The following PRKN variants were observed in gnomAD, a reference collection of about 807,000 sequenced individuals.
PRKN encodes the protein E3 ubiquitin-protein ligase parkin.
A neutral mutation model predicts 59.5 loss-of-function variants in PRKN; 56 were observed. The observed-to-expected ratio is 0.94, with a 90% CI of 0.76 to 1.18. PRKN has a LOEUF of 1.18. Ranked by LOEUF, PRKN falls within the 50% of genes most tolerant of loss-of-function variation. The pLI is 0.00. For synonymous variants in PRKN, 250 were observed against 222.1 expected (o/e 1.13, Z -1.12); for missense variants, 657 against 596.4 (o/e 1.10, Z -1.06).
chr6:162,066,925 T>G (rs1384964732), intron 4 of PRKN, among the ~76,000 whole-genome samples: 1 of 152,210 alleles, frequency 6.6e-6, no homozygotes, highest in Non-Finnish European at 1.5e-5. Flanking sequence ...ATTTCTGATT[T>G]ATAGCTGAGC....
intron 6 of PRKN, among the ~76,000 whole-genome samples, chr6:161,830,356 A>T (rs909752004): frequency 9.3e-5 from 14 of 151,022 alleles, no homozygotes; most frequent in African/African-American, 3.2e-4. Context: ...GGTTCACGCC[A>T]TTCTCCTGCC....
intron 7 of PRKN, among the ~76,000 whole-genome samples, chr6:161,663,835 G>C (rs114828341): frequency 4.6e-4 from 70 of 152,298 alleles, no homozygotes; most frequent in African/African-American, 1.6e-3. Context: ...TGTGGTGAGA[G>C]GGTGGCTGGT....
At chr6:162,429,945 C>T (rs1789428645) in intron 2 of PRKN, among the ~76,000 whole-genome samples, 2 of 152,170 alleles carry the variant, frequency 1.3e-5, no homozygotes, top group African/African-American at 2.4e-5. Flanking sequence ...TGTTTAGTCA[C>T]AGCAAATAAT....
intron 1 of PRKN, among the ~76,000 whole-genome samples, chr6:162,623,878 G>C (rs1264629257): frequency 6.6e-6 from 1 of 152,134 alleles, no homozygotes; most frequent in African/African-American, 2.4e-5. Context: ...GAAGGCTGAA[G>C]GTGGGGGCAG....
chr6:161,805,396 G>T (rs1331139752), intron 6 of PRKN, among the ~76,000 whole-genome samples: 1 of 151,958 alleles, frequency 6.6e-6, no homozygotes, highest in Non-Finnish European at 1.5e-5. Context: ...ATCTGAGGAT[G>T]CCATCGAGGT....
At chr6:161,679,900 G>A (rs1393055912) in intron 7 of PRKN, among the ~76,000 whole-genome samples, 4 of 151,630 alleles carry the variant, frequency 2.6e-5, no homozygotes, top group Non-Finnish European at 5.9e-5. Context: ...GACTACAGGC[G>A]CCTGCCACCA....
chr6:162,053,870 C>A (rs544095101), intron 5 of PRKN, among the ~76,000 whole-genome samples: 3 of 152,234 alleles, frequency 2.0e-5, no homozygotes, highest in South Asian at 2.1e-4. Flanking sequence ...CACACGGTCC[C>A]CCCAAATGAT....
At chr6:162,399,406 G>A (rs1787645858) in intron 2 of PRKN, among the ~76,000 whole-genome samples, 1 of 152,124 alleles carries the variant, frequency 6.6e-6, no homozygotes, top group African/African-American at 2.4e-5. Context: ...GTATCCATGA[G>A]GCAGAGAGTA....
At chr6:161,959,097 C>T (rs533099574) in intron 6 of PRKN, among the ~76,000 whole-genome samples, 1 of 152,298 alleles carries the variant, frequency 6.6e-6, no homozygotes, top group East Asian at 1.9e-4. Flanking sequence ...TGTACACTTT[C>T]TCTTCTAATA....
Position 161,363,933 on chromosome 6 carries a change from G to A in PRKN, c.1168-3728C>T, listed in dbSNP as rs1785082290. Among the ~76,000 whole-genome samples the A allele has an allele frequency of 1.3e-5, 2 of 152,282 alleles. No individual in the cohort carries two copies. The highest frequency in any genetic ancestry group is 3.9e-4 in the East Asian group (2 of 5,170). ...CAAGCACTTTGGGAGGCCAAGGCAG[G>A]CGGATCATGAGGTCAGGAGATTGAG... On this transcript the variant is annotated intron_variant, in intron 10 of 11. Coordinates refer to ENST00000366898, the MANE Select transcript of PRKN (RefSeq NM_004562.3). The surrounding 1 kb of genome is among the most constrained non-coding windows in gnomAD (Gnocchi z 4.1).
chr6:162,593,498 G>A (rs1781384649), intron 1 of PRKN, among the ~76,000 whole-genome samples: 1 of 152,142 alleles, frequency 6.6e-6, no homozygotes, highest in African/African-American at 2.4e-5. Context: ...TCATCTCTCT[G>A]GACTTTACAC....
chr6:162,380,467 A>ATG (rs1554309906), intron 2 of PRKN, among the ~76,000 whole-genome samples: 8 of 54,918 alleles, frequency 1.5e-4, no homozygotes, highest in South Asian at 5.5e-4. Context: ...ACACATATAT[A>ATG]TGTGTGTATA....
intron 10 of PRKN, among the ~76,000 whole-genome samples, chr6:161,375,213 G>A (rs1011359192): frequency 5.3e-5 from 8 of 152,168 alleles, no homozygotes. Flanking sequence ...GAGGGAGGAC[G>A]CCCCTGGCCG....
chr6:162,536,264 T>C (rs1778713460), intron 1 of PRKN, among the ~76,000 whole-genome samples: 1 of 152,100 alleles, frequency 6.6e-6, no homozygotes, highest in African/African-American at 2.4e-5. Flanking sequence ...ATGTTGAAAA[T>C]CTGTGTTTCT....
rs1420178234 is a variant in PRKN at position 161,393,367 on chromosome 6, A to G, written c.1084-6490T>C. Among the ~76,000 whole-genome samples, 1 of 152,080 alleles carries G rather than the reference A, an allele frequency of 6.6e-6. No homozygotes were observed. The highest frequency in any genetic ancestry group is 1.5e-5 in the Non-Finnish European group (1 of 68,026). On this transcript the variant is annotated intron_variant, in intron 9 of 11. Coordinates refer to ENST00000366898, the MANE Select transcript of PRKN (RefSeq NM_004562.3). This position sits in a 1 kb window ranked among gnomAD's most constrained non-coding sequence, Gnocchi z 4.7. ...CCCAGAAATGCCACACTTGTAAACT[A>G]CTCATAAGACATAAGACTGCTGTCT...
At chr6:162,139,754 C>T (rs1458875633) in intron 4 of PRKN, among the ~76,000 whole-genome samples, 1 of 152,088 alleles carries the variant, frequency 6.6e-6, no homozygotes, top group African/African-American at 2.4e-5. Flanking sequence ...CGCACCTATA[C>T]ATAGGAATAA....
chr6:162,216,717 A>G (rs1777687800), intron 3 of PRKN, among the ~76,000 whole-genome samples: 2 of 152,122 alleles, frequency 1.3e-5, no homozygotes, highest in South Asian at 2.1e-4. Flanking sequence ...ACGGCCACAC[A>G]GCCAGGACAC....
intron 1 of PRKN, among the ~76,000 whole-genome samples, chr6:162,603,151 T>C (rs1299622567): frequency 1.3e-5 from 2 of 152,192 alleles, no homozygotes; most frequent in African/African-American, 2.4e-5. Context: ...TATCTGAGTA[T>C]ATTACTGTTG....
intron 7 of PRKN, among the ~76,000 whole-genome samples, chr6:161,634,181 G>A (rs1783426869): frequency 6.6e-6 from 1 of 152,180 alleles, no homozygotes; most frequent in African/African-American, 2.4e-5. Flanking sequence ...TGTTGTCAGA[G>A]ACAGAAAGCA....
Sources: gnomAD v4.1 joint callset for allele counts (sites outside exome capture counted in the v4.1 genomes callset) on GRCh38, gnomAD v4.1.1 for gene constraint, Gnocchi (gnomAD v3.1) non-coding constraint, MANE v1.5 for transcripts, NCBI Gene and HGNC (gene_info 2026-07-23, HGNC 2026-07-21) for gene names.